The following KCNIP4 variants were observed in gnomAD, a reference collection of about 807,000 sequenced individuals.
The protein encoded by KCNIP4 is potassium voltage-gated channel interacting protein 4.
A neutral mutation model predicts 34.0 loss-of-function variants in KCNIP4; 12 were observed. The observed-to-expected ratio is 0.35, with a 90% confidence interval of 0.23 to 0.57. KCNIP4 has a LOEUF of 0.57. KCNIP4 is among the 20% of genes least tolerant of loss of function. KCNIP4 has a pLI of 0.83. For synonymous variants in KCNIP4, 124 were observed against 102.2 expected, an observed-to-expected ratio of 1.21 and a Z score of -1.29; for missense variants, 238 against 311.7, an observed-to-expected ratio of 0.76 and a Z score of 1.78.
intron 1 of KCNIP4, among the ~76,000 whole-genome samples, chr4:21,779,862 T>G (rs577156155): frequency 4.0e-5 from 6 of 151,750 alleles, no homozygotes; most frequent in Middle Eastern, 3.4e-3. Flanking sequence ...GCCCAAGAGT[T>G]CAAGGCTGCA....
At chr4:20,739,366 C>T (rs932557743) in intron 5 of KCNIP4, among the ~76,000 whole-genome samples, 1 of 152,160 alleles carries the variant, frequency 6.6e-6, no homozygotes, top group African/African-American at 2.4e-5. Context: ...CAGCCAGGTG[C>T]CCCTCTAAGA....
rs574334126 is a variant in KCNIP4 at position 21,445,866 on chromosome 4, T to C, written c.61+502705A>G. On this transcript the variant is annotated intron_variant, in intron 1 of 8. Transcript: ENST00000382152. The stretch of plus-strand genomic sequence containing the variant: ...ACAGAATGGGAGAAAATTTTTGCAA[T>C]CTACTCATCTGACAAAGGGCTAATA... Among the ~76,000 whole-genome samples, 69 of 152,190 alleles carry C rather than the reference T, an allele frequency of 4.5e-4. 1 individual carries two copies. The highest frequency in any genetic ancestry group is 1.6e-3 in the African/African-American group (65 of 41,556).
At chr4:21,540,904 C>G (rs1368716208) in intron 1 of KCNIP4, among the ~76,000 whole-genome samples, 4 of 152,070 alleles carry the variant, frequency 2.6e-5, no homozygotes, top group Admixed American at 2.6e-4. Flanking sequence ...GGCACGGTGG[C>G]TCACGCCTGT....
At chr4:21,520,727 T>C (rs925516228) in intron 1 of KCNIP4, among the ~76,000 whole-genome samples, 2 of 152,262 alleles carry the variant, frequency 1.3e-5, no homozygotes. Flanking sequence ...TATTTTTAAA[T>C]GAAAAATGCT....
At chr4:21,342,916 G>A (rs1030978578) in intron 1 of KCNIP4, among the ~76,000 whole-genome samples, 2 of 152,060 alleles carry the variant, frequency 1.3e-5, no homozygotes, top group African/African-American at 4.8e-5. Context: ...GGTGATTTAA[G>A]CCTAGAGCTA....
intron 1 of KCNIP4, among the ~76,000 whole-genome samples, chr4:21,251,657 A>AT (rs1344827055): frequency 6.6e-6 from 1 of 152,190 alleles, no homozygotes; most frequent in African/African-American, 2.4e-5. Flanking sequence ...TGTGGCACAT[A>AT]TACACCATGG....
chr4:21,490,850 G>A (rs1479694423), intron 1 of KCNIP4, among the ~76,000 whole-genome samples: 5 of 152,076 alleles, frequency 3.3e-5, no homozygotes, highest in Admixed American at 3.3e-4. Context: ...GAGTATGTTA[G>A]TGTGTGTCTG....
At position 21,832,626 on chromosome 4, in the gene KCNIP4, C is replaced by A. The variant is rs1723062042; in HGVS notation, c.61+115945G>T. ...TATCATACTTTTAAGTTTTAGGGTA[C>A]ATGTGCACAATGTGCAGGTTAGTTA... On this transcript the variant is annotated intron_variant, in intron 1 of 8. Coordinates refer to ENST00000382152, the MANE Select transcript of KCNIP4 (RefSeq NM_025221.6). Among the ~76,000 whole-genome samples, 3 of 149,040 alleles carry A rather than the reference C, an allele frequency of 2.0e-5. No homozygotes were observed. In the South Asian group the frequency reaches 6.4e-4, roughly 32 times the overall value.
At chr4:21,736,988 G>A (rs1027963195) in intron 1 of KCNIP4, among the ~76,000 whole-genome samples, 8 of 151,884 alleles carry the variant, frequency 5.3e-5, no homozygotes, top group Non-Finnish European at 1.2e-4. Flanking sequence ...ATGATGTTGT[G>A]CACATGTACC....
intron 1 of KCNIP4, among the ~76,000 whole-genome samples, chr4:21,800,482 CT>C (rs374983470): frequency 2.0e-5 from 3 of 152,142 alleles, no homozygotes; most frequent in African/African-American, 7.2e-5. Flanking sequence ...ACCAACATTT[CT>C]AAAGAACTAA....
chr4:21,502,957 C>T (rs1223658903), intron 1 of KCNIP4, among the ~76,000 whole-genome samples: 1 of 152,088 alleles, frequency 6.6e-6, no homozygotes, highest in Admixed American at 6.6e-5. Context: ...CTTCTGTTTT[C>T]TATTAAAAAT....
chr4:21,760,563 T>C (rs17498715), intron 1 of KCNIP4, among the ~76,000 whole-genome samples: 74,823 of 151,864 alleles, frequency 0.49, 20,354 homozygotes, highest in Non-Finnish European at 0.63. Context: ...CAATGTGAAA[T>C]GCAGAATTCG....
intron 3 of KCNIP4, among the ~76,000 whole-genome samples, chr4:20,803,726 A>G (rs868205095): frequency 0.095 from 9,100 of 96,264 alleles, 504 homozygotes; most frequent in Admixed American, 0.19. Context: ...AGAGAGAGAG[A>G]GAGGAAGGAA....
intron 5 of KCNIP4, among the ~76,000 whole-genome samples, chr4:20,739,255 G>A (rs1750464371): frequency 6.6e-6 from 1 of 152,198 alleles, no homozygotes; most frequent in Non-Finnish European, 1.5e-5. Flanking sequence ...CATGGAGTTT[G>A]AGATCTGAGA....
At chr4:21,207,883 C>G (rs934673537) in intron 1 of KCNIP4, among the ~76,000 whole-genome samples, 1 of 139,284 alleles carries the variant, frequency 7.2e-6, no homozygotes, top group African/African-American at 2.9e-5. Flanking sequence ...GGCTCTATTG[C>G]CCAGGCTGGA....
chr4:20,987,843 C>CA (rs1418681248), intron 1 of KCNIP4, among the ~76,000 whole-genome samples: 4 of 149,444 alleles, frequency 2.7e-5, no homozygotes, highest in East Asian at 4.0e-4. Flanking sequence ...ACTAAAAATC[C>CA]AAAAAAAATT....
chr4:21,221,806 G>C (rs1198036080), intron 1 of KCNIP4, among the ~76,000 whole-genome samples: 6 of 152,206 alleles, frequency 3.9e-5, no homozygotes, highest in Non-Finnish European at 1.5e-5. Context: ...AAAGGGCTCA[G>C]AGAAATAACT....
At chr4:21,403,949 C>G (rs1723757498) in intron 1 of KCNIP4, among the ~76,000 whole-genome samples, 3 of 152,156 alleles carry the variant, frequency 2.0e-5, no homozygotes, top group African/African-American at 7.2e-5. Flanking sequence ...TCCCAAAGGC[C>G]TCACCTCTTA....
chr4:21,719,558 A>C (rs1714634309), intron 1 of KCNIP4, among the ~76,000 whole-genome samples: 1 of 152,220 alleles, frequency 6.6e-6, no homozygotes, highest in South Asian at 2.1e-4. Flanking sequence ...TAAATGATGC[A>C]GTGATTCCAA....
Sources: allele counts gnomAD v4.1 joint callset (sites outside exome capture counted in the v4.1 genomes callset), GRCh38; gene constraint gnomAD v4.1.1; transcripts MANE v1.5; gene names NCBI Gene and HGNC (gene_info 2026-07-23, HGNC 2026-07-21).